PHF21A: variants seen among roughly 807,000 people sequenced by gnomAD.
PHF21A encodes the protein BHC80a.
PHF21A carries 11 observed loss-of-function variants against 82.5 expected under a neutral mutation model. That is an observed-to-expected ratio of 0.13 (90% CI 0.08 to 0.22). The LOEUF is 0.22. Ranked by LOEUF, PHF21A falls within the 10% of genes least tolerant of loss-of-function variation. The probability of loss-of-function intolerance (pLI) is 1.00; values close to 1 mark genes in which losing one functional copy is unlikely to be tolerated. For synonymous variants in PHF21A, 297 were observed against 302.8 expected, an observed-to-expected ratio of 0.98 and a Z score of 0.20; for missense variants, 579 against 837.8, an observed-to-expected ratio of 0.69 and a Z score of 3.81.
intron 6 of PHF21A, among the ~76,000 whole-genome samples, chr11:46,036,894 G>C (rs889508929): frequency 6.6e-6 from 1 of 151,908 alleles, no homozygotes; most frequent in Non-Finnish European, 1.5e-5. Context: ...TTTTTTTGTA[G>C]AGATGAGGGT....
chr11:45,946,894 T>C (rs1034978615), intron 14 of PHF21A, among the ~76,000 whole-genome samples: 3 of 152,198 alleles, frequency 2.0e-5, no homozygotes, highest in Admixed American at 6.5e-5. Context: ...TTTAGAGCTA[T>C]TGAGAGGCAT....
intron 4 of PHF21A, among the ~76,000 whole-genome samples, chr11:46,082,040 G>A (rs2096798381): frequency 6.6e-6 from 1 of 152,074 alleles, no homozygotes; most frequent in African/African-American, 2.4e-5. Flanking sequence ...TCAAAAAAGG[G>A]AGGAGGAAAA....
chr11:46,022,159 T>G (rs1383673637), intron 6 of PHF21A, among the ~76,000 whole-genome samples: 1 of 152,174 alleles, frequency 6.6e-6, no homozygotes, highest in Non-Finnish European at 1.5e-5. Flanking sequence ...CTTTTTTTAT[T>G]TAAGAGACAG....
chr11:46,048,510 C>T (rs2096291127), intron 6 of PHF21A, among the ~76,000 whole-genome samples: 1 of 152,050 alleles, frequency 6.6e-6, no homozygotes, highest in African/African-American at 2.4e-5. Context: ...TGGCTCATAC[C>T]TGTAATCCCA....
chr11:46,099,405 A>T (rs535149992), intron 1 of PHF21A, among the ~76,000 whole-genome samples: 73 of 152,210 alleles, frequency 4.8e-4, no homozygotes, highest in African/African-American at 1.5e-3. Context: ...AGCAAAACTA[A>T]CTAAATAAAA....
At chr11:45,972,372 A>G (rs2093810582) in intron 7 of PHF21A, among the ~76,000 whole-genome samples, 1 of 152,220 alleles carries the variant, frequency 6.6e-6, no homozygotes, top group Non-Finnish European at 1.5e-5. Flanking sequence ...TTTCAGGAAC[A>G]TGAAAATTTA....
rs189733267 is a variant in PHF21A at position 45,951,975 on chromosome 11, T to A, written c.1095+1552A>T. Among the ~76,000 whole-genome samples the A allele has an allele frequency of 8.6e-5, 13 of 151,950 alleles. No individual in the cohort carries two copies. In the East Asian group the frequency reaches 2.5e-3, roughly 29 times the overall value. On this transcript the variant is annotated intron_variant, in intron 11 of 18. Coordinates refer to ENST00000676320, the MANE Select transcript of PHF21A (RefSeq NM_001352027.3). The stretch of plus-strand genomic sequence containing the variant: ...GCACGCGCCACTGCATCCAGCTAAT[T>A]TTTGTATTTTTAGTAGAGACAGAGT...
At chr11:45,949,268 A>G (rs527803903) in intron 13 of PHF21A, 134 bp downstream of exon 13, 1 of 760,166 alleles carries the variant, frequency 1.3e-6, no homozygotes, top group East Asian at 2.5e-5. Flanking sequence ...AGTCAAAAAA[A>G]ATCTACCACT....
intron 6 of PHF21A, among the ~76,000 whole-genome samples, chr11:46,048,039 A>G (rs563420732): frequency 6.6e-5 from 10 of 152,206 alleles, no homozygotes; most frequent in East Asian, 1.9e-4. Flanking sequence ...GTAGAATTCA[A>G]TGGCTTTTAA....
In PHF21A at chr11:45,931,493, C is replaced by G. The variant is rs943109223; in HGVS notation, c.*2475G>C. On this transcript the variant is annotated 3_prime_UTR_variant, in exon 19 of 19. Coordinates refer to ENST00000676320, the MANE Select transcript of PHF21A (RefSeq NM_001352027.3). The stretch of plus-strand genomic sequence containing the variant: ...CCAATCAAGCAGCCAGGGCCTAACT[C>G]TGAGGCCTGTTCAGCCTAACTTAAT... The G allele has an allele frequency of 6.6e-6, 1 of 152,250 alleles. No individual in the cohort carries two copies. Among genetic ancestry groups the G allele is most frequent in the Non-Finnish European group, 1.5e-5 (1 of 68,066 alleles). 9.4% of individuals were successfully genotyped at this position (152,250 alleles called of 1,614,324 possible). A position where few individuals can be genotyped will look rare whatever the true frequency, so the allele number is the denominator to read the frequency against.
At chr11:45,957,426 A>G (rs926305301) in intron 10 of PHF21A, among the ~76,000 whole-genome samples, 5 of 152,186 alleles carry the variant, frequency 3.3e-5, no homozygotes, top group African/African-American at 1.2e-4. Flanking sequence ...CTAGAATCAC[A>G]TAAAATCTCT....
At chr11:46,038,533 G>C (rs1455123519) in intron 6 of PHF21A, among the ~76,000 whole-genome samples, 1 of 152,092 alleles carries the variant, frequency 6.6e-6, no homozygotes, top group Non-Finnish European at 1.5e-5. Flanking sequence ...ATCTTTATTA[G>C]TTTACTGTTG....
At chr11:46,040,173 A>T (rs1316622068) in intron 6 of PHF21A, among the ~76,000 whole-genome samples, 3 of 152,098 alleles carry the variant, frequency 2.0e-5, no homozygotes, top group Non-Finnish European at 2.9e-5. Flanking sequence ...GTGACTTTTC[A>T]CTCTACTATT....
At chr11:46,027,271 T>C (rs1342932149) in intron 6 of PHF21A, among the ~76,000 whole-genome samples, 2 of 152,232 alleles carry the variant, frequency 1.3e-5, no homozygotes, top group South Asian at 2.1e-4. Context: ...CCAAGGAAAT[T>C]TGTTTTTAAG....
intron 6 of PHF21A, among the ~76,000 whole-genome samples, chr11:46,070,720 T>C (rs2096647427): frequency 6.6e-6 from 1 of 151,714 alleles, no homozygotes; most frequent in Admixed American, 6.6e-5. Context: ...TAAAAAGGAG[T>C]AAAAAGAAAT....
At chr11:46,104,768 G>A (rs1231566891) in intron 1 of PHF21A, among the ~76,000 whole-genome samples, 1 of 152,122 alleles carries the variant, frequency 6.6e-6, no homozygotes, top group Non-Finnish European at 1.5e-5. Flanking sequence ...TACCATCTCT[G>A]TATCACAGAT....
chr11:45,982,103 C>T (rs528200336), intron 6 of PHF21A, among the ~76,000 whole-genome samples: 197 of 151,902 alleles, frequency 1.3e-3, no homozygotes, highest in Non-Finnish European at 1.9e-3. Context: ...ACTACAAGAG[C>T]GTGCTACCAT....
chr11:45,950,183 G>T, intron 12 of PHF21A, 23 bp downstream of exon 12: 9 of 1,567,676 alleles, frequency 5.7e-6, no homozygotes, highest in Middle Eastern at 1.7e-4. Context: ...AAAAAAGGCA[G>T]TGCCAAGAAT....
chr11:46,033,492 G>T (rs910134770), intron 6 of PHF21A, among the ~76,000 whole-genome samples: 2 of 152,042 alleles, frequency 1.3e-5, no homozygotes, highest in African/African-American at 4.8e-5. Flanking sequence ...TTGAACTCCT[G>T]GGCTCAAGCA....
Sources: gnomAD v4.1 joint callset for allele counts (sites outside exome capture counted in the v4.1 genomes callset) on GRCh38, gnomAD v4.1.1 for gene constraint, MANE v1.5 for transcripts, NCBI Gene and HGNC (gene_info 2026-07-23, HGNC 2026-07-21) for gene names.